Variants in ETV6 observed in about 807,000 individuals in gnomAD.
The protein encoded by ETV6 is ETS variant transcription factor 6.
A neutral mutation model predicts 51.1 loss-of-function variants in ETV6; 16 were observed. The ratio of observed to expected loss-of-function variants is 0.31; its 90% CI spans 0.21 to 0.48. ETV6 has a LOEUF of 0.48. ETV6 is among the 20% of genes least tolerant of loss of function. The pLI, the probability that ETV6 is intolerant of heterozygous loss-of-function variation, is 0.99. For missense variants in ETV6, 458 were observed against 594.8 expected, an observed-to-expected ratio of 0.77 and a Z score of 2.39; for synonymous variants, 240 against 224.1, an observed-to-expected ratio of 1.07 and a Z score of -0.64.
chr12:11,740,081 C>G (rs1366161217), intron 1 of ETV6, among the ~76,000 whole-genome samples: 3 of 152,210 alleles, frequency 2.0e-5, no homozygotes, highest in Non-Finnish European at 2.9e-5. Flanking sequence ...TTCACCCACT[C>G]AGAAACCACT....
At chr12:11,721,653 C>A (rs544029142) in intron 1 of ETV6, among the ~76,000 whole-genome samples, 10 of 152,168 alleles carry the variant, frequency 6.6e-5, no homozygotes, top group African/African-American at 2.4e-4. Context: ...TGCAAGATAC[C>A]CATGTAACAA....
intron 5 of ETV6, among the ~76,000 whole-genome samples, chr12:11,872,326 A>G (rs903541157): frequency 2.0e-5 from 3 of 152,070 alleles, no homozygotes; most frequent in Non-Finnish European, 4.4e-5. Flanking sequence ...CTTGCTTCCC[A>G]AGATCTCTCC....
chr12:11,709,483 C>T (rs2120874399), intron 1 of ETV6, among the ~76,000 whole-genome samples: 1 of 152,196 alleles, frequency 6.6e-6, no homozygotes, highest in Non-Finnish European at 1.5e-5. Context: ...GAATATAGGC[C>T]TGTACCACTG....
chr12:11,766,551 C>T (rs541299411), intron 2 of ETV6, among the ~76,000 whole-genome samples: 1 of 152,340 alleles, frequency 6.6e-6, no homozygotes, highest in Admixed American at 6.5e-5. Flanking sequence ...CCATTAGCTG[C>T]CACCAGCTCC....
At chr12:11,715,351 A>G (rs1273676109) in intron 1 of ETV6, among the ~76,000 whole-genome samples, 1 of 152,200 alleles carries the variant, frequency 6.6e-6, no homozygotes, top group Non-Finnish European at 1.5e-5. Flanking sequence ...TGAAATGATT[A>G]TCAGAACCAG....
At chr12:11,760,737 T>A (rs1591655056) in intron 2 of ETV6, among the ~76,000 whole-genome samples, 1 of 152,136 alleles carries the variant, frequency 6.6e-6, no homozygotes, top group Non-Finnish European at 1.5e-5. Context: ...GTACCCTACC[T>A]GCCAGCTCAC....
intron 1 of ETV6, among the ~76,000 whole-genome samples, chr12:11,672,444 A>G (rs905914761): frequency 2.6e-5 from 4 of 152,198 alleles, no homozygotes; most frequent in African/African-American, 9.7e-5. Flanking sequence ...AAATATCTGC[A>G]CGTGAAGGTG....
At chr12:11,660,552 T>A (rs1379797896) in intron 1 of ETV6, among the ~76,000 whole-genome samples, 1 of 141,492 alleles carries the variant, frequency 7.1e-6, no homozygotes, top group Non-Finnish European at 1.5e-5. Flanking sequence ...TCAGCTGAGG[T>A]TGTGCCACTA....
intron 1 of ETV6, among the ~76,000 whole-genome samples, chr12:11,652,273 A>G (rs74062339): frequency 1.4e-3 from 218 of 152,314 alleles, no homozygotes; most frequent in African/African-American, 4.9e-3. Flanking sequence ...TGTGAAGAGT[A>G]TCTTTCCATG....
At chr12:11,698,961 G>A (rs1864927777) in intron 1 of ETV6, among the ~76,000 whole-genome samples, 1 of 152,196 alleles carries the variant, frequency 6.6e-6, no homozygotes, top group South Asian at 2.1e-4. Context: ...GACAGAAAGT[G>A]CACAGCCCAG....
chr12:11,809,746 C>T (rs570949790), intron 2 of ETV6, among the ~76,000 whole-genome samples: 1 of 151,468 alleles, frequency 6.6e-6, no homozygotes, highest in Non-Finnish European at 1.5e-5. Flanking sequence ...CTCCCAGTTT[C>T]CCTGCCCACC....
chr12:11,849,628 AT>A (rs1946517539), intron 3 of ETV6, among the ~76,000 whole-genome samples: 2 of 152,220 alleles, frequency 1.3e-5, no homozygotes, highest in Non-Finnish European at 2.9e-5. Context: ...AAGTACAGGG[AT>A]TGCAGGGGAA....
chr12:11,662,257 A>C (rs944966797), intron 1 of ETV6, among the ~76,000 whole-genome samples: 3 of 152,194 alleles, frequency 2.0e-5, no homozygotes, highest in African/African-American at 4.8e-5. Flanking sequence ...GTGGAAAAAA[A>C]CAAAAAACCT....
intron 1 of ETV6, among the ~76,000 whole-genome samples, chr12:11,734,435 C>T (rs748054892): frequency 1.3e-5 from 2 of 150,262 alleles, no homozygotes; most frequent in Non-Finnish European, 2.9e-5. Context: ...GACGAAACCT[C>T]GTCTCTACAA....
At chr12:11,659,295 G>A (rs762222537) in intron 1 of ETV6, among the ~76,000 whole-genome samples, 1 of 152,158 alleles carries the variant, frequency 6.6e-6, no homozygotes, top group Non-Finnish European at 1.5e-5. Context: ...TTCTTTGTAT[G>A]TACATGGCAG....
chr12:11,752,371 C>G (rs1158165422), intron 1 of ETV6, 79 bp from the exon 2 acceptor site: 1 of 1,517,852 alleles, frequency 6.6e-7, no homozygotes, highest in Non-Finnish European at 8.9e-7. Flanking sequence ...GCTCCCCACC[C>G]CGAGATGGTC....
chr12:11,680,129 A>G (rs1400895352), intron 1 of ETV6, among the ~76,000 whole-genome samples: 3 of 152,204 alleles, frequency 2.0e-5, no homozygotes, highest in Non-Finnish European at 4.4e-5. Flanking sequence ...AGGGGTTGCA[A>G]TCTTTCATGC....
At chr12:11,668,813 G>T (rs1435359438) in intron 1 of ETV6, among the ~76,000 whole-genome samples, 1 of 152,174 alleles carries the variant, frequency 6.6e-6, no homozygotes, top group Non-Finnish European at 1.5e-5. Context: ...ACACACAAGT[G>T]CACACCTCCT....
intron 1 of ETV6, among the ~76,000 whole-genome samples, chr12:11,687,074 C>T (rs190056975): frequency 5.5e-4 from 83 of 152,002 alleles, no homozygotes; most frequent in South Asian, 1.0e-3. Context: ...TTAGTAGAGA[C>T]GGGGTTTCAC....
Sources: allele counts gnomAD v4.1 joint callset (sites outside exome capture counted in the v4.1 genomes callset), GRCh38; gene constraint gnomAD v4.1.1; transcripts MANE v1.5; gene names NCBI Gene and HGNC (gene_info 2026-07-23, HGNC 2026-07-21).